SLC15A5: variants seen among roughly 807,000 people sequenced by gnomAD.
SLC15A5 encodes the protein solute carrier family 15 member 5.
A neutral mutation model predicts 56.1 loss-of-function variants in SLC15A5; 58 were observed. That is an observed-to-expected ratio of 1.03 (90% CI 0.84 to 1.29). The LOEUF (loss-of-function observed/expected upper bound fraction) is 1.29. Among genes scored for constraint, SLC15A5 ranks in the 50% most tolerant of loss-of-function variants. The pLI, the probability that SLC15A5 is intolerant of heterozygous loss-of-function variation, is 0.00. For missense variants in SLC15A5, 681 were observed against 672.1 expected (o/e 1.01, Z -0.15); for synonymous variants, 264 against 250.5 (o/e 1.05, Z -0.51).
In SLC15A5 at chr12:16,239,835, A is replaced by G; in HGVS notation, c.1008T>C (p.Asn336=). 2 of 1,537,164 alleles carry G rather than the reference A, an allele frequency of 1.3e-6. No homozygotes were observed. The highest frequency in any genetic ancestry group is 1.7e-6 in the Non-Finnish European group (2 of 1,146,850). The change falls in exon 5 of 9, where the codon AAT becomes AAC. Residue 336 remains asparagine (N), a synonymous_variant. Transcript: ENST00000344941. ...IPSGYYLQTM[N]SNLNLDGFLL... ...GAAATCCATCCAAATTCAGGTTGGA[A>G]TTCATAGTTTGCAGATAATATCCTG...
At chr12:16,199,431 C>A (rs1397474470) in intron 7 of SLC15A5, among the ~76,000 whole-genome samples, 1 of 151,478 alleles carries the variant, frequency 6.6e-6, no homozygotes, top group East Asian at 1.9e-4. Context: ...CCACAGAAAT[C>A]AAGGTCAGTT....
rs747119195 is a variant in SLC15A5 at position 16,273,271 on chromosome 12, CT to C, written c.362-489del. On this transcript the variant is annotated intron_variant, in intron 1 of 8. Coordinates refer to ENST00000344941, the MANE Select transcript of SLC15A5 (RefSeq NM_001170798.1). ...TATCAGAGTTAGAGGAGAACACAGCCTTTTTTTTTTTCTTTCCTACTTCTGT... is the reference window on the plus strand; with the variant it reads ...TATCAGAGTTAGAGGAGAACACAGCCTTTTTTTTTTCTTTCCTACTTCTGT... Among the ~76,000 whole-genome samples, 127 of 146,280 alleles carry C rather than the reference CT, an allele frequency of 8.7e-4. 2 individuals carry two copies. Among genetic ancestry groups the C allele is most frequent in the East Asian group, 5.8e-3 (29 of 5,042 alleles).
intron 3 of SLC15A5, among the ~76,000 whole-genome samples, chr12:16,249,093 A>T (rs1012023067): frequency 6.6e-6 from 1 of 152,000 alleles, no homozygotes; most frequent in African/African-American, 2.4e-5. Context: ...CTACTTAATT[A>T]TAATTAAAAA....
intron 7 of SLC15A5, among the ~76,000 whole-genome samples, chr12:16,213,405 C>A (rs1245825273): frequency 6.6e-6 from 1 of 152,146 alleles, no homozygotes; most frequent in Non-Finnish European, 1.5e-5. Flanking sequence ...AACCTATTCT[C>A]TTAACCCCTA....
chr12:16,229,221 G>A (rs1211733318), intron 5 of SLC15A5, among the ~76,000 whole-genome samples: 6 of 152,210 alleles, frequency 3.9e-5, no homozygotes, highest in African/African-American at 1.2e-4. Flanking sequence ...GAAGAAATCC[G>A]TAACTTTTAA....
At chr12:16,225,816 T>G (rs1445694744) in intron 5 of SLC15A5, among the ~76,000 whole-genome samples, 4 of 152,190 alleles carry the variant, frequency 2.6e-5, no homozygotes, top group African/African-American at 9.6e-5. Flanking sequence ...TGCTGGACAT[T>G]AGATGTTTCC....
chr12:16,267,992 T>C (rs1864713429), intron 2 of SLC15A5, among the ~76,000 whole-genome samples: 1 of 113,686 alleles, frequency 8.8e-6, no homozygotes, highest in Non-Finnish European at 1.9e-5. Flanking sequence ...TGCCTAGGCC[T>C]CCCAGAGCCC....
intron 5 of SLC15A5, among the ~76,000 whole-genome samples, chr12:16,231,190 T>A (rs12828926): frequency 1.3e-5 from 2 of 152,204 alleles, no homozygotes; most frequent in Admixed American, 6.5e-5. Context: ...ACTTTTAAGA[T>A]CCTATTCCAC....
Position 16,224,447 on chromosome 12 carries a change from G to C in SLC15A5, c.1318C>G (p.Leu440Val). Residue 440 changes from leucine to valine, a missense_variant, in exon 6 of 9, where the codon CTT becomes GTT. By Grantham distance (32) the Leu-to-Val change is conservative (BLOSUM62 1). Coordinates refer to ENST00000344941, the MANE Select transcript of SLC15A5 (RefSeq NM_001170798.1). Reference protein sequence around the residue: ...CFYLILQYVLLGVAETLVNPA... With the variant: ...CFYLILQYVLVGVAETLVNPA... ...TTTACCAGTGTTTCCGCCACTCCAAGTAAAACATACTGAAGAATCAGGTAG... is the reference window on the plus strand; with the variant it reads ...TTTACCAGTGTTTCCGCCACTCCAACTAAAACATACTGAAGAATCAGGTAG... The C allele has an allele frequency of 3.3e-6, 5 of 1,537,192 alleles. No individual in the cohort carries two copies. Among genetic ancestry groups the C allele is most frequent in the Non-Finnish European group, 4.4e-6 (5 of 1,146,872 alleles).
rs1169140285 is a variant in SLC15A5 at position 16,237,957 on chromosome 12, G to A, written c.1162+1724C>T. On this transcript the variant is annotated intron_variant, in intron 5 of 8. Transcript: ENST00000344941. This position sits in a 1 kb window ranked among gnomAD's most constrained non-coding sequence, Gnocchi z 4.1. ...CTAATCCTGGACATTCACCAAATAT[G>A]TGCTGGCTTTTGGATTTCTACATTG... Among the ~76,000 whole-genome samples the A allele has an allele frequency of 6.6e-6, 1 of 152,018 alleles. No individual in the cohort carries two copies. The highest frequency in any genetic ancestry group is 1.5e-5 in the Non-Finnish European group (1 of 68,002).
At chr12:16,192,588 C>T (rs2136236638) in intron 8 of SLC15A5, among the ~76,000 whole-genome samples, 1 of 152,104 alleles carries the variant, frequency 6.6e-6, no homozygotes, top group East Asian at 1.9e-4. Context: ...TACAAGTTTG[C>T]CTGTTCAACT....
intron 2 of SLC15A5, among the ~76,000 whole-genome samples, chr12:16,266,294 CTT>C (rs139592908): frequency 6.6e-6 from 1 of 152,050 alleles, no homozygotes; most frequent in African/African-American, 2.4e-5. Flanking sequence ...TTAGGAAACT[CTT>C]TTTAAAAAGT....
At chr12:16,260,835 A>G (rs1864636754) in intron 2 of SLC15A5, among the ~76,000 whole-genome samples, 1 of 151,718 alleles carries the variant, frequency 6.6e-6, no homozygotes, top group Non-Finnish European at 1.5e-5. Context: ...ATTTTAGTAG[A>G]GTGTCATGGG....
At chr12:16,192,877 AT>A (rs1394706940) in intron 8 of SLC15A5, among the ~76,000 whole-genome samples, 3 of 152,108 alleles carry the variant, frequency 2.0e-5, no homozygotes, top group Non-Finnish European at 4.4e-5. Flanking sequence ...TACAGTTACT[AT>A]TTTTATCATT....
intron 7 of SLC15A5, among the ~76,000 whole-genome samples, chr12:16,199,041 A>G (rs1863923491): frequency 6.6e-6 from 1 of 151,610 alleles, no homozygotes; most frequent in African/African-American, 2.4e-5. Flanking sequence ...GCTGCACTCC[A>G]CCCGGGTCTC....
chr12:16,201,018 T>G (rs926882980), intron 7 of SLC15A5, among the ~76,000 whole-genome samples: 2 of 152,130 alleles, frequency 1.3e-5, no homozygotes, highest in African/African-American at 4.8e-5. Context: ...ACAGAGGAGA[T>G]AACAATGTTT....
Position 16,277,603 on chromosome 12 carries a change from A to T in SLC15A5, c.83T>A (p.Ile28Asn). ...AGAGTGTGAGGAACACAAATCGCCA[A>T]TATGTCTTACAGTTTTCTCCTTCTC... ...SIEKEKTVRH[I>N]GDLCSSHSVK... Residue 28 changes from isoleucine (I) to asparagine (N), a missense_variant, in exon 1 of 9, where the codon ATT becomes AAT. Physicochemically the swap from Ile to Asn is moderately radical, Grantham distance 149. Transcript: ENST00000344941. 6.5e-7 allele frequency: 1 copy of T among 1,536,438 alleles called. No homozygotes were observed.
intron 7 of SLC15A5, among the ~76,000 whole-genome samples, chr12:16,194,961 C>T (rs1401479562): frequency 2.6e-5 from 4 of 151,996 alleles, no homozygotes; most frequent in Non-Finnish European, 5.9e-5. Flanking sequence ...AAATCCAGGG[C>T]TACCTTATGA....
intron 5 of SLC15A5, among the ~76,000 whole-genome samples, chr12:16,229,437 C>T (rs1212172359): frequency 6.6e-6 from 1 of 152,116 alleles, no homozygotes; most frequent in Non-Finnish European, 1.5e-5. Context: ...TAGATATGCA[C>T]TTTATAATCT....
Sources: gnomAD v4.1 joint callset for allele counts (sites outside exome capture counted in the v4.1 genomes callset) on GRCh38, gnomAD v4.1.1 for gene constraint, Gnocchi (gnomAD v3.1) non-coding constraint, MANE v1.5 for transcripts, NCBI Gene and HGNC (gene_info 2026-07-23, HGNC 2026-07-21) for gene names.